Variants in RBM20 observed in about 807,000 individuals in gnomAD.
RBM20 encodes RNA binding motif protein 20.
Under a neutral mutation model 110.1 loss-of-function variants are expected in RBM20, and 51 were observed. The ratio of observed to expected loss-of-function variants is 0.46; its 90% CI spans 0.37 to 0.59. The LOEUF (loss-of-function observed/expected upper bound fraction) is 0.59. Among genes scored for constraint, RBM20 ranks in the 20% least tolerant of loss-of-function variants. RBM20 has a pLI of 0.00. For synonymous variants in RBM20, 589 were observed against 618.2 expected (o/e 0.95, Z 0.70); for missense variants, 1,512 against 1,574.9 (o/e 0.96, Z 0.68).
intron 1 of RBM20, among the ~76,000 whole-genome samples, chr10:110,735,222 A>G (rs1843658502): frequency 6.6e-6 from 1 of 152,218 alleles, no homozygotes; most frequent in South Asian, 2.1e-4. Flanking sequence ...TATATATAGG[A>G]AAAAATAAAT....
rs1423334272 is a variant in RBM20 at position 110,718,675 on chromosome 10, G to A, written c.192-62126G>A. The stretch of plus-strand genomic sequence containing the variant: ...TGCCCAGGCTGGAATGTAGTGGTGT[G>A]ATCTCTACTCACTACAACATCCGCC... On this transcript the variant is annotated intron_variant, in intron 1 of 13. Transcript: ENST00000369519. 6.3e-5 allele frequency among the ~76,000 whole-genome samples: 8 copies of A among 127,600 alleles called. No individual in the cohort carries two copies. The Admixed American group carries it at 7.3e-4, about 12-fold the overall frequency. The allele number at this position is 127,600 out of a possible 152,430, so 83.7% of individuals were successfully genotyped here. A position where few individuals can be genotyped will look rare whatever the true frequency, so the allele number is the denominator to read the frequency against.
intron 1 of RBM20, among the ~76,000 whole-genome samples, chr10:110,757,585 A>G (rs921819165): frequency 6.6e-6 from 1 of 152,194 alleles, no homozygotes; most frequent in Admixed American, 6.5e-5. Flanking sequence ...GTGCATGTGG[A>G]CAAAAAGTGA....
intron 7 of RBM20, among the ~76,000 whole-genome samples, chr10:110,806,735 T>C (rs1322284893): frequency 6.6e-6 from 1 of 152,210 alleles, no homozygotes; most frequent in East Asian, 1.9e-4. Context: ...TACTTTTGTG[T>C]ATGTTTGAAA....
intron 1 of RBM20, among the ~76,000 whole-genome samples, chr10:110,753,380 T>A (rs1843883636): frequency 6.6e-6 from 1 of 152,222 alleles, no homozygotes; most frequent in Non-Finnish European, 1.5e-5. Context: ...TCTATATTTT[T>A]AAAGAACACC....
chr10:110,821,801 C>T lies in RBM20; in HGVS notation c.3182C>T (p.Pro1061Leu). The stretch of plus-strand genomic sequence containing the variant: ...GAGGAGAGGGCCCGGCAGCCAAGCC[C>T]ATTTGTGGATGATTGCAAGACCAGG... ...PAEERARQPSPFVDDCKTRGT... is the reference protein window; with the variant it reads ...PAEERARQPSLFVDDCKTRGT... The change falls in exon 11 of 14, where the codon CCA (proline) becomes CTA (leucine). Residue 1061 changes from proline (P) to leucine (L), a missense_variant. Coordinates refer to ENST00000369519, the MANE Select transcript of RBM20 (RefSeq NM_001134363.3). 1.3e-6 allele frequency: 2 copies of T among 1,551,768 alleles called. No homozygotes were observed. The highest frequency in any genetic ancestry group is 1.7e-6 in the Non-Finnish European group (2 of 1,147,014).
rs150552374 is a variant in RBM20 at position 110,704,274 on chromosome 10, G to A, written c.191+59629G>A. Among the ~76,000 whole-genome samples, 638 of 152,238 alleles carry A rather than the reference G, an allele frequency of 4.2e-3. 6 individuals carry two copies. The highest frequency in any genetic ancestry group is 0.014 in the Admixed American group (220 of 15,282). ...TATTCCAGGGTATATATGTACCACA[G>A]TTTGTTTAACCATTCACCTATTGAA... On this transcript the variant is annotated intron_variant, in intron 1 of 13. Coordinates refer to ENST00000369519, the MANE Select transcript of RBM20 (RefSeq NM_001134363.3).
At chr10:110,761,361 C>A (rs1293806783) in intron 1 of RBM20, 20 of 122,320 alleles carry the variant, frequency 1.6e-4, no homozygotes, top group Admixed American at 1.6e-3. Context: ...AGAGGAAAGC[C>A]TTTTACATGG....
chr10:110,709,090 G>A (rs779054761), intron 1 of RBM20, among the ~76,000 whole-genome samples: 17 of 152,084 alleles, frequency 1.1e-4, no homozygotes, highest in African/African-American at 1.9e-4. Context: ...CAGGTCAGAC[G>A]TGTTGCTGTG....
At chr10:110,643,903 G>A (rs375868462), upstream of RBM20, among the ~76,000 whole-genome samples, 5 of 152,186 alleles carry the variant, frequency 3.3e-5, no homozygotes, top group Non-Finnish European at 7.3e-5. Flanking sequence ...GATGCGCGCG[G>A]ACGTCCCGGG....
chr10:110,805,098 A>G (rs1273306247), intron 7 of RBM20, among the ~76,000 whole-genome samples: 2 of 152,226 alleles, frequency 1.3e-5, no homozygotes, highest in Non-Finnish European at 2.9e-5. Flanking sequence ...AAGCAATACA[A>G]GACATGGTTC....
intron 1 of RBM20, among the ~76,000 whole-genome samples, chr10:110,745,954 G>A (rs1022662200): frequency 2.0e-5 from 3 of 152,152 alleles, no homozygotes; most frequent in Admixed American, 6.5e-5. Flanking sequence ...GTTCAAATCT[G>A]TTCCATTATA....
chr10:110,670,154 C>T (rs930554221), intron 1 of RBM20, among the ~76,000 whole-genome samples: 6 of 152,004 alleles, frequency 3.9e-5, no homozygotes, highest in African/African-American at 1.5e-4. Flanking sequence ...AAAGTGGTAT[C>T]ATCTCTCTTT....
Position 110,835,932 on chromosome 10 carries a change from CAG to C in RBM20, c.3641_3642del (p.Glu1214GlyfsTer39). ...ACCGAGGGGGCAGATAGCCCGAGGC[CAG>C]AGGACAGCGGAATCGTGCCACGCTT... On this transcript the variant is annotated frameshift_variant, in exon 14 of 14. Coordinates refer to ENST00000369519, the MANE Select transcript of RBM20 (RefSeq NM_001134363.3). LOFTEE classifies it high-confidence loss of function. 1 of 1,466,156 alleles carries C rather than the reference CAG, an allele frequency of 6.8e-7. No homozygotes were observed. Among genetic ancestry groups the C allele is most frequent in the South Asian group, 1.2e-5 (1 of 82,020 alleles). 90.8% of individuals were successfully genotyped at this position (1,466,156 alleles called of 1,614,324 possible). A position where few individuals can be genotyped will look rare whatever the true frequency, so the allele number is the denominator to read the frequency against.
chr10:110,766,386 AGG>A (rs1844084537), intron 1 of RBM20, among the ~76,000 whole-genome samples: 1 of 151,702 alleles, frequency 6.6e-6, no homozygotes, highest in African/African-American at 2.4e-5. Flanking sequence ...GGTATTTGGC[AGG>A]GTCATAGGAC....
At chr10:110,662,377 A>C (rs1039008562) in intron 1 of RBM20, among the ~76,000 whole-genome samples, 2 of 152,226 alleles carry the variant, frequency 1.3e-5, no homozygotes, top group Non-Finnish European at 2.9e-5. Context: ...AAAGTGCCAA[A>C]CTGGGTCAGG....
At chr10:110,657,384 G>T (rs1402074172) in intron 1 of RBM20, among the ~76,000 whole-genome samples, 1 of 151,384 alleles carries the variant, frequency 6.6e-6, no homozygotes, top group Non-Finnish European at 1.5e-5. Context: ...GTTTTGATTT[G>T]TATTTCAGTA....
intron 1 of RBM20, among the ~76,000 whole-genome samples, chr10:110,663,911 A>C (rs1862141778): frequency 6.6e-6 from 1 of 152,202 alleles, no homozygotes; most frequent in African/African-American, 2.4e-5. Flanking sequence ...TAAACATATG[A>C]GTATACATAA....
intron 1 of RBM20, among the ~76,000 whole-genome samples, chr10:110,685,188 C>T (rs982237118): frequency 1.3e-5 from 2 of 152,206 alleles, no homozygotes; most frequent in African/African-American, 4.8e-5. Flanking sequence ...TCATCTTGTC[C>T]TTGGCGGGCC....
intron 1 of RBM20, among the ~76,000 whole-genome samples, chr10:110,712,512 A>G (rs1320254721): frequency 6.6e-6 from 1 of 152,190 alleles, no homozygotes; most frequent in Non-Finnish European, 1.5e-5. Context: ...CACCCCTGTA[A>G]TCCCAGCATT....
Sources: allele counts gnomAD v4.1 joint callset (sites outside exome capture counted in the v4.1 genomes callset), GRCh38; gene constraint gnomAD v4.1.1; transcripts MANE v1.5; gene names NCBI Gene and HGNC (gene_info 2026-07-23, HGNC 2026-07-21).